SYNPO2: variants seen among roughly 807,000 people sequenced by gnomAD.
SYNPO2 encodes synaptopodin-2.
A neutral mutation model predicts 85.0 loss-of-function variants in SYNPO2; 56 were observed. The observed-to-expected ratio is 0.66, with a 90% CI of 0.53 to 0.82. The LOEUF (loss-of-function observed/expected upper bound fraction) is 0.82, where lower values mean the gene tolerates loss of function less well. Ranked by LOEUF, SYNPO2 falls within the 40% of genes least tolerant of loss-of-function variation. The probability of loss-of-function intolerance (pLI) is 0.00; values close to 1 mark genes in which losing one functional copy is unlikely to be tolerated. For synonymous variants in SYNPO2, 602 were observed against 591.1 expected (o/e 1.02, Z -0.27); for missense variants, 1,575 against 1,534.2 (o/e 1.03, Z -0.44).
intron 1 of SYNPO2, among the ~76,000 whole-genome samples, chr4:118,866,239 A>G (rs1731697329): frequency 6.6e-6 from 1 of 152,136 alleles, no homozygotes; most frequent in Non-Finnish European, 1.5e-5. Flanking sequence ...TAGGATGTTT[A>G]GCTGCATCCC....
chr4:118,973,747 A>G (rs28634461), intron 1 of SYNPO2, among the ~76,000 whole-genome samples: 68 of 152,268 alleles, frequency 4.5e-4, no homozygotes, highest in African/African-American at 1.6e-3. Context: ...TCATTTTCCT[A>G]ACCACAATTT....
intron 1 of SYNPO2, among the ~76,000 whole-genome samples, chr4:118,958,517 G>GT (rs1236386389): frequency 6.6e-6 from 1 of 152,090 alleles, no homozygotes; most frequent in Non-Finnish European, 1.5e-5. Flanking sequence ...GTGTTTACCC[G>GT]TTGGGATCTT....
chr4:119,000,198 G>T (rs1032066830), intron 1 of SYNPO2, among the ~76,000 whole-genome samples: 1 of 152,092 alleles, frequency 6.6e-6, no homozygotes, highest in African/African-American at 2.4e-5. Flanking sequence ...AAGGTTTGGC[G>T]ACTTAATGAG....
intron 3 of SYNPO2, among the ~76,000 whole-genome samples, chr4:119,028,721 C>A (rs1250916095): frequency 6.6e-6 from 1 of 151,770 alleles, no homozygotes; most frequent in Non-Finnish European, 1.5e-5. Context: ...AAAAAATTAA[C>A]CATTAAGTCT....
chr4:119,009,715 A>T (rs908039360), intron 1 of SYNPO2, among the ~76,000 whole-genome samples: 3 of 152,222 alleles, frequency 2.0e-5, no homozygotes, highest in African/African-American at 7.2e-5. Context: ...GAATAAAAGC[A>T]GGGTTCTGTA....
intron 4 of SYNPO2, among the ~76,000 whole-genome samples, chr4:119,038,840 A>T (rs953649331): frequency 6.6e-6 from 1 of 151,866 alleles, no homozygotes; most frequent in Non-Finnish European, 1.5e-5. Context: ...CTCAACAATT[A>T]TTTCTGTCAA....
At chr4:118,853,537 T>C (rs962660662) in intron 1 of SYNPO2, among the ~76,000 whole-genome samples, 2 of 131,296 alleles carry the variant, frequency 1.5e-5, no homozygotes, top group Non-Finnish European at 3.6e-5. Flanking sequence ...TCTTAACCCA[T>C]ATAAAGACAG....
At chr4:118,922,578 T>C (rs997648282) in intron 1 of SYNPO2, among the ~76,000 whole-genome samples, 2 of 152,036 alleles carry the variant, frequency 1.3e-5, no homozygotes, top group African/African-American at 2.4e-5. Context: ...ATTCACAGGA[T>C]GTAGATATTT....
intron 4 of SYNPO2, chr4:119,032,381 GAATCAGCCTTT>G: frequency 8.4e-7 from 1 of 1,191,882 alleles, no homozygotes; most frequent in Non-Finnish European, 1.0e-6. Context: ...CAAACATCAG[GAATCAGCCTTT>G]ATGTAACATA....
chr4:118,987,165 G>A (rs1471719942), intron 1 of SYNPO2, among the ~76,000 whole-genome samples: 1 of 152,130 alleles, frequency 6.6e-6, no homozygotes, highest in African/African-American at 2.4e-5. Context: ...CAAATTTACA[G>A]AACAAGTTAA....
In SYNPO2 at chr4:118,867,889, A is replaced by G. The variant is rs117857073; in HGVS notation, c.12+16949A>G. Among the ~76,000 whole-genome samples, 204 of 152,218 alleles carry G rather than the reference A, an allele frequency of 1.3e-3. 3 individuals are homozygous for G. In the East Asian group the frequency reaches 0.027, roughly 20 times the overall value. On this transcript the variant is annotated intron_variant, in intron 1 of 4. Transcript: ENST00000610556. Reference sequence around the variant, plus strand: ...GCAGGATAAGATGAATTCGGAAAAAATGAAGTAAAATCAGTTTCAATGATC... The same window carrying G: ...GCAGGATAAGATGAATTCGGAAAAAGTGAAGTAAAATCAGTTTCAATGATC...
intron 4 of SYNPO2, chr4:119,042,979 G>C (rs968960181): frequency 2.0e-5 from 3 of 152,372 alleles, no homozygotes; most frequent in South Asian, 2.1e-4. Flanking sequence ...TAATGCTGGA[G>C]CCTAGGTCAC....
intron 1 of SYNPO2, among the ~76,000 whole-genome samples, chr4:118,978,796 CACACACACACACA>C (rs1487601469): frequency 1.4e-4 from 1 of 7,278 alleles, no homozygotes; most frequent in Non-Finnish European, 4.4e-4. Flanking sequence ...TGCCATGACA[CACACACACACACA>C]CACACACACA....
Position 119,031,446 on chromosome 4 carries a change from G to C in SYNPO2, c.2671G>C (p.Asp891His). Reference sequence around the variant, plus strand: ...AATGGAGAAGTATGTGGTCGATTCAGACACGGTGCAGGCCCACGCTGCTCG... The same window carrying C: ...AATGGAGAAGTATGTGGTCGATTCACACACGGTGCAGGCCCACGCTGCTCG... ...SRMEKYVVDS[D>H]TVQAHAARAQ... The change falls in exon 4 of 5, where the codon GAC becomes CAC. Residue 891 changes from aspartate (D) to histidine (H), a missense_variant. Asp to His is a moderately conservative substitution (Grantham distance 81, BLOSUM62 -1). This residue lies in a region of SYNPO2 where 1,508 missense variants were observed against 1,446.8 expected (regional missense o/e 1.04). Transcript: ENST00000307142. 3.1e-6 allele frequency: 5 copies of C among 1,614,164 alleles called. No individual in the cohort carries two copies. Among genetic ancestry groups the C allele is most frequent in the Non-Finnish European group, 4.2e-6 (5 of 1,180,034 alleles).
intron 1 of SYNPO2, among the ~76,000 whole-genome samples, chr4:118,960,806 A>C (rs954699295): frequency 6.6e-6 from 1 of 152,116 alleles, no homozygotes; most frequent in Non-Finnish European, 1.5e-5. Context: ...AGAGAGTCTA[A>C]GCAGCATACT....
intron 1 of SYNPO2, among the ~76,000 whole-genome samples, chr4:118,927,776 TGATAGATA>T (rs70944822): frequency 0.049 from 4,992 of 102,656 alleles, 151 homozygotes; most frequent in Admixed American, 0.064. Context: ...GATAGATAGA[TGATAGATA>T]GATAGATAGA....
chr4:118,971,281 A>G (rs1321801033), intron 1 of SYNPO2, among the ~76,000 whole-genome samples: 1 of 152,214 alleles, frequency 6.6e-6, no homozygotes, highest in Non-Finnish European at 1.5e-5. Context: ...AAGCGAACCC[A>G]TGACTCTTAA....
At position 119,031,341 on chromosome 4, in the gene SYNPO2, C is replaced by T. The variant is rs141800282; in HGVS notation, c.2566C>T (p.Pro856Ser). The T allele has an allele frequency of 3.7e-6, 6 of 1,614,042 alleles. No homozygotes were observed. The highest frequency in any genetic ancestry group is 1.3e-5 in the African/African-American group (1 of 74,938). Residue 856 changes from proline to serine, a missense_variant, in exon 4 of 5, where the codon CCT (proline) becomes TCT (serine). Physicochemically the swap from Pro to Ser is moderately conservative, Grantham distance 74. Coordinates refer to ENST00000307142, the MANE Select transcript of SYNPO2 (RefSeq NM_133477.3). Reference protein sequence around the residue: ...VSTPTVNAVQPGAVGPSNELP... With the variant: ...VSTPTVNAVQSGAVGPSNELP... The stretch of plus-strand genomic sequence containing the variant: ...CACACCAACAGTCAATGCTGTTCAG[C>T]CTGGTGCAGTGGGACCATCCAATGA...
intron 1 of SYNPO2, among the ~76,000 whole-genome samples, chr4:118,910,193 CAG>C (rs1427321767): frequency 2.6e-5 from 4 of 152,214 alleles, no homozygotes; most frequent in Non-Finnish European, 5.9e-5. Flanking sequence ...GTTCCAGGTG[CAG>C]AGTTTGACAT....
Sources: allele counts gnomAD v4.1 joint callset (sites outside exome capture counted in the v4.1 genomes callset), GRCh38; gene constraint gnomAD v4.1.1; regional missense constraint gnomAD v4.1.1; transcripts MANE v1.5; gene names NCBI Gene and HGNC (gene_info 2026-07-23, HGNC 2026-07-21).